The following RPS6KC1 variants were observed in gnomAD, a reference collection of about 807,000 sequenced individuals.
RPS6KC1 encodes ribosomal protein S6 kinase C1.
In RPS6KC1, 54 loss-of-function variants were observed where a neutral mutation model predicts 103.8. That is an observed-to-expected ratio of 0.52 (90% CI 0.42 to 0.65). RPS6KC1 has a LOEUF of 0.65. RPS6KC1 is among the 30% of genes least tolerant of loss of function. The pLI is 0.00. For synonymous variants in RPS6KC1, 439 were observed against 438.7 expected, an observed-to-expected ratio of 1.00 and a Z score of -0.01; for missense variants, 1,151 against 1,253.8, an observed-to-expected ratio of 0.92 and a Z score of 1.24.
the RPS6KC1 span, among the ~76,000 whole-genome samples, chr1:213,308,117 G>T: frequency 1.4e-4 from 21 of 151,994 alleles, no homozygotes; most frequent in Non-Finnish European, 2.4e-4. Flanking sequence ...TTCAAGACCA[G>T]CTTGGCCAAC....
At chr1:213,380,558 C>G in the RPS6KC1 span, among the ~76,000 whole-genome samples, 23 of 152,276 alleles carry the variant, frequency 1.5e-4, no homozygotes, top group South Asian at 4.1e-4. Flanking sequence ...CACAGACACA[C>G]AGACACACGC....
rs796334354 is a variant in RPS6KC1 at position 213,088,883 on chromosome 1, C to A, written c.262+11067C>A. Reference sequence around the variant, plus strand: ...CAGTATTCACTGAACTTGACACTTGCTTCCTCAGTACGTTTTACATTTCAC... The same window carrying A: ...CAGTATTCACTGAACTTGACACTTGATTCCTCAGTACGTTTTACATTTCAC... On this transcript the variant is annotated intron_variant, in intron 3 of 14. Transcript: ENST00000366960. Among the ~76,000 whole-genome samples, 14 of 152,254 alleles carry A rather than the reference C, an allele frequency of 9.2e-5. No homozygotes were observed. In the South Asian group the frequency reaches 2.7e-3, roughly 29 times the overall value.
the RPS6KC1 span, among the ~76,000 whole-genome samples, chr1:213,853,666 G>T: frequency 2.6e-5 from 4 of 152,170 alleles, no homozygotes; most frequent in Non-Finnish European, 5.9e-5. Context: ...AAGACACATT[G>T]AATAGATATT....
the RPS6KC1 span, among the ~76,000 whole-genome samples, chr1:213,759,639 C>G: frequency 3.7e-3 from 566 of 152,312 alleles, 2 homozygotes; most frequent in Non-Finnish European, 5.9e-3. Flanking sequence ...CTGTCCTCAG[C>G]CCCCAGTACT....
chr1:213,240,691 C>G lies in RPS6KC1; in HGVS notation c.1226-11C>G. The G allele has an allele frequency of 6.3e-7, 1 of 1,587,966 alleles. No individual in the cohort carries two copies. Among genetic ancestry groups the G allele is most frequent in the Non-Finnish European group, 8.6e-7 (1 of 1,167,644 alleles). ...TAATACTTTTGTTTGTTTTGTTATA[C>G]TTGTTCACAGGTGGCAAACTGTGGT... On this transcript the variant is annotated splice_polypyrimidine_tract_variant and intron_variant, in intron 10 of 14. Transcript: ENST00000366960.
At chr1:213,217,203 C>T (rs1389627056) in intron 8 of RPS6KC1, among the ~76,000 whole-genome samples, 1 of 151,606 alleles carries the variant, frequency 6.6e-6, no homozygotes, top group African/African-American at 2.4e-5. Context: ...ACTACCGATC[C>T]CACAGAAATA....
intron 6 of RPS6KC1, among the ~76,000 whole-genome samples, chr1:213,160,235 A>G (rs1263284501): frequency 6.6e-6 from 1 of 152,212 alleles, no homozygotes; most frequent in Non-Finnish European, 1.5e-5. Context: ...GAGATATTTT[A>G]CCTTTACAAA....
the RPS6KC1 span, among the ~76,000 whole-genome samples, chr1:213,446,883 T>C: frequency 6.6e-6 from 1 of 152,234 alleles, no homozygotes; most frequent in Admixed American, 6.5e-5. Flanking sequence ...AGGGGATGTT[T>C]GTTTGCTATG....
the RPS6KC1 span, among the ~76,000 whole-genome samples, chr1:213,421,805 T>G: frequency 6.6e-6 from 1 of 152,218 alleles, no homozygotes; most frequent in East Asian, 1.9e-4. Flanking sequence ...ATAAAGGTGC[T>G]CAGGCTTGGA....
intron 6 of RPS6KC1, among the ~76,000 whole-genome samples, chr1:213,146,423 A>ATT (rs1269987456): frequency 2.3e-4 from 32 of 138,930 alleles, no homozygotes; most frequent in Admixed American, 2.9e-4. Context: ...TGGGATTGCA[A>ATT]TTTTTTTTTT....
chr1:213,799,829 A>G, the RPS6KC1 span, among the ~76,000 whole-genome samples: 1 of 152,232 alleles, frequency 6.6e-6, no homozygotes, highest in East Asian at 1.9e-4. Flanking sequence ...CAGGTATCTT[A>G]GTCAGCTCAG....
the RPS6KC1 span, among the ~76,000 whole-genome samples, chr1:213,363,695 T>G: frequency 2.0e-3 from 161 of 80,898 alleles, 12 homozygotes; most frequent in African/African-American, 5.7e-3. Flanking sequence ...TCTTTCTTTC[T>G]TTCTTTCCTT....
At chr1:213,428,476 C>CCCTTCCTTCCTTCCTT in the RPS6KC1 span, among the ~76,000 whole-genome samples, 99 of 30,678 alleles carry the variant, frequency 3.2e-3, 1 homozygote, top group African/African-American at 0.014. Flanking sequence ...CTCCCTCCCT[C>CCCTTCCTTCCTTCCTT]CCTCCCTTCC....
chr1:213,755,299 C>A, the RPS6KC1 span, among the ~76,000 whole-genome samples: 6 of 152,312 alleles, frequency 3.9e-5, 1 homozygote, highest in South Asian at 8.3e-4. Context: ...ACTGAAGGCT[C>A]CATGTCTCAG....
In RPS6KC1 at chr1:213,099,909, T is replaced by G. The variant is rs61834101; in HGVS notation, c.263-4545T>G. On this transcript the variant is annotated intron_variant, in intron 3 of 14. Coordinates refer to ENST00000366960, the MANE Select transcript of RPS6KC1 (RefSeq NM_012424.6). ...CAATGGGCACCTGGAATGTTTCCAG[T>G]TTGGGGCAATTTTAAGTAAATCTAC... 5.8e-3 allele frequency among the ~76,000 whole-genome samples: 879 copies of G among 152,308 alleles called. 2 individuals carry two copies. Among genetic ancestry groups the G allele is most frequent in the Non-Finnish European group, 9.7e-3 (662 of 68,012 alleles).
At chr1:213,757,045 C>G in the RPS6KC1 span, among the ~76,000 whole-genome samples, 1 of 152,144 alleles carries the variant, frequency 6.6e-6, no homozygotes, top group Non-Finnish European at 1.5e-5. Flanking sequence ...TGTGTTCTGA[C>G]TTCTCTGCCA....
intron 8 of RPS6KC1, among the ~76,000 whole-genome samples, chr1:213,200,846 G>A (rs1483850893): frequency 6.6e-6 from 1 of 152,140 alleles, no homozygotes; most frequent in Non-Finnish European, 1.5e-5. Flanking sequence ...AGACATACAT[G>A]CAGCCAACAA....
the RPS6KC1 span, among the ~76,000 whole-genome samples, chr1:213,831,135 C>T: frequency 6.6e-6 from 1 of 152,192 alleles, no homozygotes; most frequent in African/African-American, 2.4e-5. Flanking sequence ...CACTTCCCTT[C>T]GTTCTCTCTG....
the RPS6KC1 span, among the ~76,000 whole-genome samples, chr1:213,462,721 A>G: frequency 8.5e-5 from 13 of 152,188 alleles, no homozygotes; most frequent in Non-Finnish European, 1.3e-4. Flanking sequence ...GAACACAGGG[A>G]GGGGTACACC....
Sources: gnomAD v4.1 joint callset for allele counts (sites outside exome capture counted in the v4.1 genomes callset) on GRCh38, gnomAD v4.1.1 for gene constraint, MANE v1.5 for transcripts, NCBI Gene and HGNC (gene_info 2026-07-23, HGNC 2026-07-21) for gene names.